The following ALCAM variants were observed in gnomAD, a reference collection of about 807,000 sequenced individuals.
ALCAM encodes activated leukocyte cell adhesion molecule.
A neutral mutation model predicts 70.9 loss-of-function variants in ALCAM; 30 were observed. That is an observed-to-expected ratio of 0.42 (90% CI 0.32 to 0.57). The LOEUF (loss-of-function observed/expected upper bound fraction) is 0.57. Ranked by LOEUF, ALCAM falls within the 20% of genes least tolerant of loss-of-function variation. The probability of loss-of-function intolerance (pLI) is 0.11; values close to 1 mark genes in which losing one functional copy is unlikely to be tolerated. For missense variants in ALCAM, 591 were observed against 695.1 expected (o/e 0.85, Z 1.68); for synonymous variants, 249 against 242.5 (o/e 1.03, Z -0.25).
chr3:105,490,991 GA>G (rs1233580877), intron 1 of ALCAM, among the ~76,000 whole-genome samples: 1 of 152,186 alleles, frequency 6.6e-6, no homozygotes, highest in Non-Finnish European at 1.5e-5. Context: ...GGTTCTCCAT[GA>G]AGGCCCCACC....
chr3:105,555,015 C>A (rs1452784566), intron 14 of ALCAM, among the ~76,000 whole-genome samples: 1 of 151,916 alleles, frequency 6.6e-6, no homozygotes, highest in Non-Finnish European at 1.5e-5. Flanking sequence ...CATCCAGTAT[C>A]TCATCAGACA....
rs576628418 is a variant in ALCAM, at chr3:105,502,670, G to T, written c.74-17397G>T. 1.2e-4 allele frequency among the ~76,000 whole-genome samples: 18 copies of T among 152,354 alleles called. No homozygotes were observed. The East Asian group carries it at 2.9e-3, about 24-fold the overall frequency. Reference sequence around the variant, plus strand: ...CAGTTACCAATAACTTTTGAAAGAGGTATTTGAAAGACATATAAATGATAT... The same window carrying T: ...CAGTTACCAATAACTTTTGAAAGAGTTATTTGAAAGACATATAAATGATAT... On this transcript the variant is annotated intron_variant, in intron 1 of 15. Transcript: ENST00000306107.
intron 8 of ALCAM, among the ~76,000 whole-genome samples, chr3:105,542,754 C>G (rs1392605261): frequency 6.6e-6 from 1 of 151,584 alleles, no homozygotes; most frequent in Non-Finnish European, 1.5e-5. Context: ...CAGGGAGGTA[C>G]ATTGGGGAAT....
At chr3:105,465,216 G>T (rs75124880) in intron 1 of ALCAM, among the ~76,000 whole-genome samples, 20,131 of 151,436 alleles carry the variant, frequency 0.13, 1,413 homozygotes, top group Middle Eastern at 0.18. Context: ...TAGCAACGAT[G>T]TGATTTTGAA....
intron 1 of ALCAM, among the ~76,000 whole-genome samples, chr3:105,478,459 G>T (rs1022931366): frequency 6.6e-6 from 1 of 152,040 alleles, no homozygotes; most frequent in African/African-American, 2.4e-5. Flanking sequence ...TCTCAAGTCA[G>T]AAAGTCAAGA....
At chr3:105,567,986 G>A (rs776659837) in intron 14 of ALCAM, among the ~76,000 whole-genome samples, 4 of 150,712 alleles carry the variant, frequency 2.7e-5, no homozygotes, top group South Asian at 2.1e-4. Flanking sequence ...TTAATTTTAC[G>A]GTTTGTATTC....
At chr3:105,370,482 G>A (rs1321009693) in intron 1 of ALCAM, among the ~76,000 whole-genome samples, 2 of 152,096 alleles carry the variant, frequency 1.3e-5, no homozygotes, top group Middle Eastern at 3.2e-3. Context: ...CAGACTAGAG[G>A]CCTACTCTCT....
chr3:105,367,560 C>A, intron 1 of ALCAM, 79 bp downstream of exon 1: 1 of 1,529,220 alleles, frequency 6.5e-7, no homozygotes, highest in Non-Finnish European at 9.0e-7. Flanking sequence ...AGCCTCGCAC[C>A]CCCGAGGCAG....
At chr3:105,414,340 C>T (rs146162619) in intron 1 of ALCAM, among the ~76,000 whole-genome samples, 6 of 152,034 alleles carry the variant, frequency 3.9e-5, no homozygotes, top group South Asian at 2.1e-4. Flanking sequence ...TGTATGAGCC[C>T]AGAAGATGGA....
intron 14 of ALCAM, among the ~76,000 whole-genome samples, chr3:105,559,511 G>A (rs1315170343): frequency 1.3e-5 from 2 of 151,880 alleles, no homozygotes; most frequent in South Asian, 2.1e-4. Flanking sequence ...ATGATGGCAG[G>A]AGGCAAGAGA....
chr3:105,572,038 T>A, intron 15 of ALCAM, 74 bp downstream of exon 15: 1 of 786,648 alleles, frequency 1.3e-6, no homozygotes, highest in Non-Finnish European at 2.0e-6. Flanking sequence ...TGAAGTCCTT[T>A]ATGTTAAGAT....
At chr3:105,546,388 CTTG>C (rs1316615603) in intron 9 of ALCAM, among the ~76,000 whole-genome samples, 1 of 151,428 alleles carries the variant, frequency 6.6e-6, no homozygotes, top group African/African-American at 2.4e-5. Context: ...TCCTCTGCTA[CTTG>C]TTGTCTTACT....
At chr3:105,516,604 C>T (rs1939384343) in intron 1 of ALCAM, among the ~76,000 whole-genome samples, 1 of 152,062 alleles carries the variant, frequency 6.6e-6, no homozygotes, top group Admixed American at 6.6e-5. Context: ...TAATTACACA[C>T]TGCTTCTCAA....
intron 14 of ALCAM, among the ~76,000 whole-genome samples, chr3:105,568,559 G>C (rs1940794581): frequency 6.6e-6 from 1 of 152,148 alleles, no homozygotes. Context: ...TTTCCACTAA[G>C]CTCTTTGAAA....
At chr3:105,398,106 T>C (rs1935998923) in intron 1 of ALCAM, among the ~76,000 whole-genome samples, 1 of 152,236 alleles carries the variant, frequency 6.6e-6, no homozygotes, top group South Asian at 2.1e-4. Flanking sequence ...AGTTTCAGAT[T>C]CAGTATTTCT....
rs397730573 is a variant in ALCAM at position 105,404,685 on chromosome 3, A to AC, written c.73+37205dup. On this transcript the variant is annotated intron_variant, in intron 1 of 15. Transcript: ENST00000306107. ...TAACAATAACACAATGAAAAAAAAA[A>AC]CAAGGTATTTAGGAAAAAAAATAGC... Among the ~76,000 whole-genome samples, 7 of 151,542 alleles carry AC rather than the reference A, an allele frequency of 4.6e-5. No individual in the cohort carries two copies. The East Asian group carries it at 1.2e-3, about 25-fold the overall frequency.
intron 1 of ALCAM, among the ~76,000 whole-genome samples, chr3:105,382,274 A>AT (rs1241219476): frequency 2.6e-5 from 4 of 151,914 alleles, no homozygotes; most frequent in African/African-American, 9.7e-5. Context: ...TGAATTCATC[A>AT]TTTTTTATGG....
intron 1 of ALCAM, among the ~76,000 whole-genome samples, chr3:105,405,517 A>T (rs1936206252): frequency 1.3e-5 from 2 of 152,128 alleles, no homozygotes; most frequent in South Asian, 4.1e-4. Context: ...GTCAACAAAG[A>T]CACAATGGAC....
At chr3:105,562,857 G>A (rs1427963671) in intron 14 of ALCAM, among the ~76,000 whole-genome samples, 1 of 152,100 alleles carries the variant, frequency 6.6e-6, no homozygotes, top group South Asian at 2.1e-4. Context: ...CCAGGCTGGA[G>A]CGCAATGTCA....
Sources: allele counts gnomAD v4.1 joint callset (sites outside exome capture counted in the v4.1 genomes callset), GRCh38; gene constraint gnomAD v4.1.1; transcripts MANE v1.5; gene names NCBI Gene and HGNC (gene_info 2026-07-23, HGNC 2026-07-21).